The following GPSM2 variants were observed in gnomAD, a reference collection of about 807,000 sequenced individuals.
GPSM2 encodes G protein-signaling modulator 2.
GPSM2 carries 58 observed loss-of-function variants against 78.4 expected under a neutral mutation model. The observed-to-expected ratio is 0.74, with a 90% CI of 0.60 to 0.92. GPSM2 has a LOEUF of 0.92. Among genes scored for constraint, GPSM2 ranks in the 40% least tolerant of loss-of-function variants. The probability of loss-of-function intolerance (pLI) is 0.00; values close to 1 mark genes in which losing one functional copy is unlikely to be tolerated. For synonymous variants in GPSM2, 224 were observed against 280.2 expected (o/e 0.80, Z 2.00); for missense variants, 700 against 815.5 (o/e 0.86, Z 1.73).
At chr1:108,925,866 C>A (rs564003682) in intron 14 of GPSM2, among the ~76,000 whole-genome samples, 17 of 150,538 alleles carry the variant, frequency 1.1e-4, no homozygotes, top group African/African-American at 3.7e-4. Flanking sequence ...AGTTTATCTA[C>A]AGATGGAAAT....
chr1:108,931,403 A>C lies in GPSM2; in HGVS notation c.*1463A>C, dbSNP rs1220850367. ...ATGGGACAGACTGGGACCTGGAGTA[A>C]CACTGGATCACAGACTGCAAAGGCC... On this transcript the variant is annotated 3_prime_UTR_variant, in exon 15 of 15. Coordinates refer to ENST00000264126, the MANE Select transcript of GPSM2 (RefSeq NM_013296.5). 5 of 1,551,184 alleles carry C rather than the reference A, an allele frequency of 3.2e-6. No homozygotes were observed. The highest frequency in any genetic ancestry group is 3.5e-6 in the Non-Finnish European group (4 of 1,147,122).
chr1:108,917,604 A>C (rs1300900106), intron 11 of GPSM2, among the ~76,000 whole-genome samples: 2 of 42,750 alleles, frequency 4.7e-5, no homozygotes, highest in Non-Finnish European at 7.8e-5. Flanking sequence ...ATACACACAC[A>C]CACACACATA....
chr1:108,908,728 A>ACACACACACACACACACACAC (rs1649461870), intron 10 of GPSM2, among the ~76,000 whole-genome samples: 1 of 148,354 alleles, frequency 6.7e-6, no homozygotes, highest in African/African-American at 2.6e-5. Context: ...TCAAAACACA[A>ACACACACACACACACACACAC]ACACACACAC....
intron 2 of GPSM2, among the ~76,000 whole-genome samples, chr1:108,894,656 C>T (rs1227038943): frequency 1.3e-5 from 2 of 151,974 alleles, no homozygotes; most frequent in African/African-American, 4.8e-5. Flanking sequence ...CAAGATTGTA[C>T]TGCTGCACTC....
intron 10 of GPSM2, among the ~76,000 whole-genome samples, chr1:108,907,870 C>G (rs531646370): frequency 6.6e-6 from 1 of 152,134 alleles, no homozygotes; most frequent in Non-Finnish European, 1.5e-5. Flanking sequence ...CTCCAGAATC[C>G]GTCTTATGTG....
intron 2 of GPSM2, among the ~76,000 whole-genome samples, chr1:108,887,786 A>T (rs1647678798): frequency 6.6e-6 from 1 of 152,152 alleles, no homozygotes; most frequent in South Asian, 2.1e-4. Flanking sequence ...TGTGGAGCTC[A>T]GCCTTCATAA....
intron 2 of GPSM2, among the ~76,000 whole-genome samples, chr1:108,891,680 T>TTTTG (rs1647981245): frequency 6.7e-6 from 1 of 150,264 alleles, no homozygotes; most frequent in Non-Finnish European, 1.5e-5. Flanking sequence ...TTTTTTTTTT[T>TTTTG]TTTTGGTGGA....
rs1241162343 is a variant in GPSM2, at chr1:108,885,588, T to C, written c.56+10T>C. ...TTCATGTTCGTTACAGGTAAGACTA[T>C]TGCTGTCTTAATGGATGACTTTTAA... On this transcript the variant is annotated intron_variant, in intron 2 of 14. Coordinates refer to ENST00000264126, the MANE Select transcript of GPSM2 (RefSeq NM_013296.5). 1 of 1,511,424 alleles carries C rather than the reference T, an allele frequency of 6.6e-7. No individual in the cohort carries two copies. Among genetic ancestry groups the C allele is most frequent in the Non-Finnish European group, 9.2e-7 (1 of 1,086,390 alleles). The allele number at this position is 1,511,424 out of a possible 1,614,324, so 93.6% of individuals were successfully genotyped here.
Position 108,898,121 on chromosome 1 carries a change from G to A in GPSM2, c.557+20G>A. 1.2e-6 allele frequency: 2 copies of A among 1,610,742 alleles called. No homozygotes were observed. The highest frequency in any genetic ancestry group is 1.7e-6 in the Non-Finnish European group (2 of 1,177,030). On this transcript the variant is annotated intron_variant, in intron 5 of 14. Transcript: ENST00000264126. ...TTATGAGTGAGTAGGGGCTGATATG[G>A]GCAGTCATGTAGGCCCATCTAAGCC...
intron 7 of GPSM2, among the ~76,000 whole-genome samples, chr1:108,900,359 CTT>C: frequency 6.6e-6 from 1 of 151,888 alleles, no homozygotes; most frequent in Non-Finnish European, 1.5e-5. Context: ...CCTGCCTCAG[CTT>C]CTGAGCAGCT....
chr1:108,884,722 G>A (rs1217774214), intron 1 of GPSM2, among the ~76,000 whole-genome samples: 3 of 152,110 alleles, frequency 2.0e-5, no homozygotes, highest in Admixed American at 2.0e-4. Flanking sequence ...TGTTTGTTGT[G>A]TCATTCTTTT....
At position 108,903,112 on chromosome 1, in the gene GPSM2, G is replaced by T; in HGVS notation, c.954-14G>T. The T allele has an allele frequency of 1.3e-6, 2 of 1,501,228 alleles. No individual in the cohort carries two copies. The highest frequency in any genetic ancestry group is 2.3e-5 in the South Asian group (2 of 88,816). 93.0% of individuals were successfully genotyped at this position (1,501,228 alleles called of 1,614,324 possible). On this transcript the variant is annotated splice_polypyrimidine_tract_variant and intron_variant, in intron 8 of 14. Coordinates refer to ENST00000264126, the MANE Select transcript of GPSM2 (RefSeq NM_013296.5). ...TTTCAAATAACTGCATGTTCGCTTT[G>T]AATAACGTTTTAGAATTGGTGAAGG... is the stretch of plus-strand genomic sequence containing the variant.
intron 2 of GPSM2, among the ~76,000 whole-genome samples, chr1:108,890,122 A>G (rs1483116615): frequency 1.3e-5 from 2 of 152,136 alleles, no homozygotes; most frequent in Non-Finnish European, 2.9e-5. Context: ...CTCATATTAC[A>G]ATCTGTGCAT....
At chr1:108,917,649 TATATATATATATATATAA>T (rs1408347007) in intron 11 of GPSM2, among the ~76,000 whole-genome samples, 4 of 94,658 alleles carry the variant, frequency 4.2e-5, no homozygotes, top group African/African-American at 1.2e-4. Flanking sequence ...TATATATATA[TATATATATATATATATAA>T]ATGAGTTCTC....
At chr1:108,922,825 C>A (rs190869363) in intron 13 of GPSM2, among the ~76,000 whole-genome samples, 3 of 152,040 alleles carry the variant, frequency 2.0e-5, no homozygotes, top group East Asian at 1.9e-4. Context: ...TTTGAAAAAT[C>A]TGTTGTGGAA....
chr1:108,911,693 G>C (rs1376508938), intron 10 of GPSM2, among the ~76,000 whole-genome samples: 1 of 151,022 alleles, frequency 6.6e-6, no homozygotes, highest in Non-Finnish European at 1.5e-5. Context: ...CGTACATAAA[G>C]CAAAATTGAC....
rs577242132 is a variant in GPSM2 at position 108,933,965 on chromosome 1, A to G, written c.*4025A>G. On this transcript the variant is annotated 3_prime_UTR_variant, in exon 15 of 15. Coordinates refer to ENST00000264126, the MANE Select transcript of GPSM2 (RefSeq NM_013296.5). The stretch of plus-strand genomic sequence containing the variant: ...AAAAAATAGGTTTTATAAAAAGCCC[A>G]TGCACTTCAATTGGTGGGGGAAAAG... 1 of 152,404 alleles carries G rather than the reference A, an allele frequency of 6.6e-6. No homozygotes were observed. The highest frequency in any genetic ancestry group is 2.4e-5 in the African/African-American group (1 of 41,600). 9.4% of individuals were successfully genotyped at this position (152,404 alleles called of 1,614,324 possible).
At position 108,933,104 on chromosome 1, in the gene GPSM2, A is replaced by G. The variant is rs904460281; in HGVS notation, c.*3164A>G. 5 of 151,760 alleles carry G rather than the reference A, an allele frequency of 3.3e-5. No homozygotes were observed. The highest frequency in any genetic ancestry group is 6.6e-5 in the Admixed American group (1 of 15,192). 9.4% of individuals were successfully genotyped at this position (151,760 alleles called of 1,614,324 possible). On this transcript the variant is annotated 3_prime_UTR_variant, in exon 15 of 15. Coordinates refer to ENST00000264126, the MANE Select transcript of GPSM2 (RefSeq NM_013296.5). ...GAGCTTAAGCGATCATCCTCCCTCA[A>G]CCTTCCAAAGTGCTAGGACTGTAGG...
chr1:108,920,892 C>CT (rs1650655753), intron 12 of GPSM2, among the ~76,000 whole-genome samples: 2 of 152,116 alleles, frequency 1.3e-5, no homozygotes, highest in Admixed American at 6.5e-5. Context: ...GAATTCTAGG[C>CT]TTTTTTGCCC....
Sources: allele counts gnomAD v4.1 joint callset (sites outside exome capture counted in the v4.1 genomes callset), GRCh38; gene constraint gnomAD v4.1.1; transcripts MANE v1.5; gene names NCBI Gene and HGNC (gene_info 2026-07-23, HGNC 2026-07-21).